The following KCNMA1 variants were observed in gnomAD, a reference collection of about 807,000 sequenced individuals.
KCNMA1 encodes the protein Calcium-activated potassium channel subunit alpha-1.
Under a neutral mutation model 140.0 loss-of-function variants are expected in KCNMA1, and 29 were observed. The observed-to-expected ratio is 0.21, with a 90% CI of 0.15 to 0.28. KCNMA1 has a LOEUF of 0.28. KCNMA1 is among the 10% of genes least tolerant of loss of function. The pLI, the probability that KCNMA1 is intolerant of heterozygous loss-of-function variation, is 1.00. For synonymous variants in KCNMA1, 612 were observed against 611.9 expected (o/e 1.00, Z 0.00); for missense variants, 880 against 1,602.2 (o/e 0.55, Z 7.70).
chr10:76,967,611 T>C (rs945026283), intron 20 of KCNMA1, among the ~76,000 whole-genome samples: 5 of 152,146 alleles, frequency 3.3e-5, no homozygotes, highest in Non-Finnish European at 7.3e-5. Flanking sequence ...ACCTGGGACA[T>C]AGAAAGACGT....
intron 5 of KCNMA1, among the ~76,000 whole-genome samples, chr10:77,144,403 ATTT>A (rs966789663): frequency 6.6e-6 from 1 of 152,128 alleles, no homozygotes; most frequent in African/African-American, 2.4e-5. Context: ...CAAGATAGTG[ATTT>A]TTTTATGTTC....
At chr10:77,405,648 C>T (rs766252928) in intron 1 of KCNMA1, among the ~76,000 whole-genome samples, 2 of 152,238 alleles carry the variant, frequency 1.3e-5, no homozygotes, top group African/African-American at 2.4e-5. Flanking sequence ...CAAATACCCA[C>T]TGCAACTATG....
chr10:77,361,904 T>C (rs1193919615), intron 2 of KCNMA1, among the ~76,000 whole-genome samples: 2 of 152,156 alleles, frequency 1.3e-5, no homozygotes, highest in Non-Finnish European at 2.9e-5. Flanking sequence ...GCCTTGCAAA[T>C]GGGAGCTGGT....
At chr10:77,597,248 G>C (rs2081209174) in intron 1 of KCNMA1, among the ~76,000 whole-genome samples, 1 of 152,034 alleles carries the variant, frequency 6.6e-6, no homozygotes, top group African/African-American at 2.4e-5. Flanking sequence ...ATATCTACAG[G>C]AAGATATAGA....
intron 5 of KCNMA1, among the ~76,000 whole-genome samples, chr10:77,172,704 A>AC (rs1366848263): frequency 6.1e-5 from 1 of 16,424 alleles, no homozygotes. Context: ...AAAAAAAACA[A>AC]AAAAAAAAAA....
At position 77,108,178 on chromosome 10, in the gene KCNMA1, C is replaced by A; in HGVS notation, c.1223+303G>T. 1 of 915,332 alleles carries A rather than the reference C, an allele frequency of 1.1e-6. No individual in the cohort carries two copies. The highest frequency in any genetic ancestry group is 1.8e-5 in the South Asian group (1 of 55,058). 56.7% of individuals were successfully genotyped at this position (915,332 alleles called of 1,614,324 possible). On this transcript the variant is annotated intron_variant, in intron 9 of 27. Coordinates refer to ENST00000286628, the MANE Select transcript of KCNMA1 (RefSeq NM_001161352.2). This position sits in a 1 kb window ranked among gnomAD's most constrained non-coding sequence, Gnocchi z 4.6. ...ACCCCATGCAGAAACTGGGCCTTCC[C>A]TCACAGAAGCACCCGGTGGGGTTGG... is the stretch of plus-strand genomic sequence containing the variant.
At chr10:77,200,139 T>C (rs1275784731) in intron 3 of KCNMA1, among the ~76,000 whole-genome samples, 2 of 151,984 alleles carry the variant, frequency 1.3e-5, no homozygotes, top group Non-Finnish European at 2.9e-5. Flanking sequence ...TTGGTAGAGA[T>C]AGGGTTTCAC....
intron 23 of KCNMA1, among the ~76,000 whole-genome samples, chr10:76,926,045 T>C: frequency 6.6e-6 from 1 of 152,182 alleles, no homozygotes; most frequent in East Asian, 1.9e-4. Flanking sequence ...TGTTGAAGTG[T>C]TTCCTGTACA....
intron 6 of KCNMA1, among the ~76,000 whole-genome samples, chr10:77,116,015 A>C (rs1306106561): frequency 2.0e-5 from 3 of 152,204 alleles, no homozygotes; most frequent in African/African-American, 7.2e-5. Context: ...TGTGCTCTGC[A>C]TAGCAAAGGT....
At chr10:77,508,328 C>T (rs2046887346) in intron 1 of KCNMA1, among the ~76,000 whole-genome samples, 1 of 147,166 alleles carries the variant, frequency 6.8e-6, no homozygotes, top group East Asian at 2.0e-4. Context: ...ATACGCATCA[C>T]CATGCCTGGC....
chr10:77,040,478 T>C (rs990953121), intron 14 of KCNMA1, among the ~76,000 whole-genome samples: 3 of 152,202 alleles, frequency 2.0e-5, no homozygotes, highest in Admixed American at 2.0e-4. Flanking sequence ...TGAAAATGTA[T>C]ACCTGTTCAT....
At chr10:77,491,229 T>C (rs755248477) in intron 1 of KCNMA1, among the ~76,000 whole-genome samples, 3 of 152,158 alleles carry the variant, frequency 2.0e-5, no homozygotes, top group Non-Finnish European at 4.4e-5. Flanking sequence ...GGAGAGTTGA[T>C]TGGATTTGAG....
chr10:77,609,184 C>T (rs528132103), intron 1 of KCNMA1, among the ~76,000 whole-genome samples: 4 of 152,264 alleles, frequency 2.6e-5, no homozygotes, highest in South Asian at 2.1e-4. Flanking sequence ...GCCAAGAAAT[C>T]GAACCTATCT....
intron 1 of KCNMA1, among the ~76,000 whole-genome samples, chr10:77,428,545 T>C (rs1011636527): frequency 5.3e-5 from 8 of 152,174 alleles, no homozygotes; most frequent in Non-Finnish European, 1.0e-4. Context: ...TTTTGCAGGC[T>C]GATTTTTCTG....
chr10:77,432,687 G>A (rs1382749814), intron 1 of KCNMA1, among the ~76,000 whole-genome samples: 1 of 152,192 alleles, frequency 6.6e-6, no homozygotes, highest in Non-Finnish European at 1.5e-5. Context: ...TCAATGTTGT[G>A]TTTCTTCCAT....
rs189062880 is a variant in KCNMA1, at chr10:77,099,587, G to A, written c.1223+8894C>T. Among the ~76,000 whole-genome samples the A allele has an allele frequency of 1.8e-4, 28 of 152,176 alleles. No homozygotes were observed. In the East Asian group the frequency reaches 3.5e-3, roughly 19 times the overall value. On this transcript the variant is annotated intron_variant, in intron 9 of 27. Coordinates refer to ENST00000286628, the MANE Select transcript of KCNMA1 (RefSeq NM_001161352.2). ...AAATTAGCTGGGCATGGTGGCGTAC[G>A]CCTGTAATCCCAGCTACTCGAGGGG... is the stretch of plus-strand genomic sequence containing the variant.
chr10:77,222,365 A>C (rs1275738657), intron 3 of KCNMA1, among the ~76,000 whole-genome samples: 1 of 152,192 alleles, frequency 6.6e-6, no homozygotes, highest in Non-Finnish European at 1.5e-5. Context: ...CTAACCCTCT[A>C]TTCTCCTACT....
At chr10:77,291,711 T>A (rs2073318971) in intron 2 of KCNMA1, among the ~76,000 whole-genome samples, 2 of 152,210 alleles carry the variant, frequency 1.3e-5, no homozygotes, top group Admixed American at 1.3e-4. Flanking sequence ...ATAGGGGGCA[T>A]CTGAACTATT....
intron 1 of KCNMA1, among the ~76,000 whole-genome samples, chr10:77,512,807 C>T (rs1007541884): frequency 1.3e-5 from 2 of 152,140 alleles, no homozygotes; most frequent in African/African-American, 4.8e-5. Flanking sequence ...CTGTCAACAC[C>T]ATGATCTTGG....
Sources: allele counts gnomAD v4.1 joint callset (sites outside exome capture counted in the v4.1 genomes callset), GRCh38; gene constraint gnomAD v4.1.1; non-coding constraint Gnocchi (gnomAD v3.1); transcripts MANE v1.5; gene names NCBI Gene and HGNC (gene_info 2026-07-23, HGNC 2026-07-21).